GRM1: variants seen among roughly 807,000 people sequenced by gnomAD.
The protein encoded by GRM1 is glutamate metabotropic receptor 1, also known as metabotropic glutamate receptor 1.
GRM1 carries 33 observed loss-of-function variants against 90.9 expected under a neutral mutation model. That is an observed-to-expected ratio of 0.36 (90% CI 0.28 to 0.49). The LOEUF is 0.49. GRM1 is among the 20% of genes least tolerant of loss of function. The pLI is 0.99. For synonymous variants in GRM1, 700 were observed against 613.2 expected (o/e 1.14, Z -2.09); for missense variants, 1,190 against 1,534.3 (o/e 0.78, Z 3.75).
At chr6:146,039,259 C>T (rs1791009378) in intron 1 of GRM1, among the ~76,000 whole-genome samples, 1 of 151,956 alleles carries the variant, frequency 6.6e-6, no homozygotes, top group Admixed American at 6.6e-5. Flanking sequence ...TGAGGGAAAG[C>T]TCATAGAAGG....
chr6:146,118,279 A>G (rs1283889669), intron 1 of GRM1, among the ~76,000 whole-genome samples: 2 of 150,412 alleles, frequency 1.3e-5, no homozygotes, highest in Non-Finnish European at 3.0e-5. Context: ...AGCTGGGACT[A>G]CAGGCGCCCA....
At chr6:146,065,141 G>T (rs1003403754) in intron 1 of GRM1, among the ~76,000 whole-genome samples, 2 of 152,072 alleles carry the variant, frequency 1.3e-5, no homozygotes, top group African/African-American at 4.8e-5. Flanking sequence ...TACTTTAAAT[G>T]CAGGAGAAAG....
At chr6:146,141,761 T>A (rs1325170576) in intron 1 of GRM1, among the ~76,000 whole-genome samples, 1 of 152,180 alleles carries the variant, frequency 6.6e-6, no homozygotes, top group Non-Finnish European at 1.5e-5. Context: ...TTTGTTAAAT[T>A]TGTCTGATAG....
Position 146,436,420 on chromosome 6 carries a change from C to T in GRM1, c.*1624C>T, listed in dbSNP as rs1255513582. 1 of 152,132 alleles carries T rather than the reference C, an allele frequency of 6.6e-6. No individual in the cohort carries two copies. The highest frequency in any genetic ancestry group is 1.5e-5 in the Non-Finnish European group (1 of 68,016). The allele number at this position is 152,132 out of a possible 1,614,324, so 9.4% of individuals were successfully genotyped here. A position where few individuals can be genotyped will look rare whatever the true frequency, so the allele number is the denominator to read the frequency against. ...CACATTATTAACACATAAGATTGAA[C>T]AAAGCATTTAGATTATTCCAGGTTA... On this transcript the variant is annotated 3_prime_UTR_variant, in exon 8 of 8. Transcript: ENST00000282753.
intron 2 of GRM1, among the ~76,000 whole-genome samples, chr6:146,290,681 C>A (rs554375718): frequency 2.6e-5 from 4 of 152,246 alleles, no homozygotes; most frequent in Non-Finnish European, 4.4e-5. Flanking sequence ...TACTCCATGC[C>A]TGTCCGACTA....
chr6:146,346,070 G>T (rs928588132), intron 3 of GRM1, among the ~76,000 whole-genome samples: 3 of 152,122 alleles, frequency 2.0e-5, no homozygotes, highest in Non-Finnish European at 4.4e-5. Flanking sequence ...ATTGATCCTC[G>T]GCATCACTTT....
intron 1 of GRM1, among the ~76,000 whole-genome samples, chr6:146,102,927 A>C (rs1777099112): frequency 6.6e-6 from 1 of 152,202 alleles, no homozygotes; most frequent in African/African-American, 2.4e-5. Context: ...AGAACATCAG[A>C]CTGTGCGCTT....
At chr6:146,039,896 G>GA (rs1041988540) in intron 1 of GRM1, among the ~76,000 whole-genome samples, 19 of 151,986 alleles carry the variant, frequency 1.3e-4, no homozygotes, top group Admixed American at 5.9e-4. Flanking sequence ...CGCAGACTGG[G>GA]AAAAAATTAG....
chr6:146,175,201 A>T (rs1476164987), intron 2 of GRM1, among the ~76,000 whole-genome samples: 2 of 152,198 alleles, frequency 1.3e-5, no homozygotes, highest in Non-Finnish European at 2.9e-5. Flanking sequence ...AAACAGACCC[A>T]TAGTATTTGC....
intron 3 of GRM1, among the ~76,000 whole-genome samples, chr6:146,306,022 A>G (rs1366379031): frequency 1.3e-5 from 2 of 152,212 alleles, no homozygotes; most frequent in African/African-American, 4.8e-5. Flanking sequence ...AAATGCTTTC[A>G]GATACCAATA....
At chr6:146,365,303 T>G (rs1193425400) in intron 5 of GRM1, 1 of 151,978 alleles carries the variant, frequency 6.6e-6, no homozygotes, top group Non-Finnish European at 1.5e-5. Flanking sequence ...TAGTGAAAAA[T>G]TCCATGGAAA....
intron 1 of GRM1, among the ~76,000 whole-genome samples, chr6:146,047,307 AGCATTTGTG>A (rs57147297): frequency 0.39 from 58,971 of 151,142 alleles, 11,755 homozygotes; most frequent in Middle Eastern, 0.49. Context: ...TCCTCCTTGT[AGCATTTGTG>A]TTAGAAAGCG....
chr6:146,386,621 C>T (rs1776515207), intron 5 of GRM1, among the ~76,000 whole-genome samples: 1 of 151,730 alleles, frequency 6.6e-6, no homozygotes, highest in African/African-American at 2.4e-5. Context: ...ATTTTTAACT[C>T]TGCAAAAAAA....
chr6:146,192,933 C>T (rs752131953), intron 2 of GRM1, among the ~76,000 whole-genome samples: 9 of 151,780 alleles, frequency 5.9e-5, no homozygotes, highest in East Asian at 5.8e-4. Flanking sequence ...GGAAGATGAC[C>T]GGCATAGAAG....
intron 1 of GRM1, among the ~76,000 whole-genome samples, chr6:146,081,649 C>T (rs1467615289): frequency 1.3e-5 from 2 of 152,026 alleles, no homozygotes; most frequent in Non-Finnish European, 2.9e-5. Context: ...TCTGATTTTA[C>T]CTGGAAGCAC....
intron 1 of GRM1, among the ~76,000 whole-genome samples, chr6:146,130,580 C>G (rs955149394): frequency 6.6e-6 from 1 of 152,008 alleles, no homozygotes; most frequent in Non-Finnish European, 1.5e-5. Flanking sequence ...CCTCAGTGAA[C>G]TCACCGTTTA....
chr6:146,404,591 A>G (rs1252377301), intron 7 of GRM1, among the ~76,000 whole-genome samples: 1 of 152,212 alleles, frequency 6.6e-6, no homozygotes, highest in Non-Finnish European at 1.5e-5. Context: ...GTGCTATGCT[A>G]GACTATTTTA....
At chr6:146,058,375 T>TTAATA (rs1775553041) in intron 1 of GRM1, among the ~76,000 whole-genome samples, 2 of 152,180 alleles carry the variant, frequency 1.3e-5, no homozygotes, top group Non-Finnish European at 2.9e-5. Flanking sequence ...AAACTTATGT[T>TTAATA]TACACTATAC....
At chr6:146,219,116 A>G (rs1201507288) in intron 2 of GRM1, among the ~76,000 whole-genome samples, 3 of 152,188 alleles carry the variant, frequency 2.0e-5, no homozygotes, top group African/African-American at 7.2e-5. Context: ...TCTCATTTAG[A>G]GTTTGAAATG....
Sources: gnomAD v4.1 joint callset for allele counts (sites outside exome capture counted in the v4.1 genomes callset) on GRCh38, gnomAD v4.1.1 for gene constraint, MANE v1.5 for transcripts, NCBI Gene and HGNC (gene_info 2026-07-23, HGNC 2026-07-21) for gene names.